The following CEP350 variants were observed in gnomAD, a reference collection of about 807,000 sequenced individuals.
The protein encoded by CEP350 is centrosome-associated protein 350.
In CEP350, 126 loss-of-function variants were observed where a neutral mutation model predicts 331.8. The observed-to-expected ratio is 0.38, with a 90% CI of 0.33 to 0.44. The LOEUF is 0.44. Ranked by LOEUF, CEP350 falls within the 20% of genes least tolerant of loss-of-function variation. The probability of loss-of-function intolerance (pLI) is 1.00; values close to 1 mark genes in which losing one functional copy is unlikely to be tolerated. For missense variants in CEP350, 3,406 were observed against 3,634.6 expected, an observed-to-expected ratio of 0.94 and a Z score of 1.62; for synonymous variants, 1,200 against 1,259.5, an observed-to-expected ratio of 0.95 and a Z score of 1.00.
chr1:180,049,161 A>G (rs1288415223), intron 22 of CEP350, among the ~76,000 whole-genome samples: 2 of 152,332 alleles, frequency 1.3e-5, no homozygotes, highest in South Asian at 2.1e-4. Context: ...GTATTTGGAT[A>G]TTTAGCTGAG....
intron 27 of CEP350, among the ~76,000 whole-genome samples, chr1:180,068,034 A>G (rs574779828): frequency 1.3e-5 from 2 of 152,362 alleles, no homozygotes; most frequent in South Asian, 4.1e-4. Context: ...AGATTTGCAA[A>G]GGCAGTCATT....
rs766320999 is a variant in CEP350 at position 179,992,241 on chromosome 1, A to G, written c.395+20A>G. ...TTATAGGTTAGTATTGAGAAAAAAA[A>G]AAGGTATCAAATAGGTTTAGCCTGT... On this transcript the variant is annotated intron_variant, in intron 5 of 37. Transcript: ENST00000367607. The G allele has an allele frequency of 1.4e-6, 2 of 1,450,540 alleles. No homozygotes were observed. Among genetic ancestry groups the G allele is most frequent in the Non-Finnish European group, 1.8e-6 (2 of 1,108,960 alleles). 89.9% of individuals were successfully genotyped at this position (1,450,540 alleles called of 1,614,324 possible).
intron 7 of CEP350, 66 bp downstream of exon 7, chr1:180,003,353 A>G (rs1027636625): frequency 1.7e-5 from 18 of 1,033,682 alleles, no homozygotes; most frequent in Admixed American, 2.7e-5. Context: ...TATAATATTT[A>G]CACATAAAAT....
chr1:179,971,744 C>A (rs1651471363), intron 1 of CEP350, among the ~76,000 whole-genome samples: 1 of 152,152 alleles, frequency 6.6e-6, no homozygotes, highest in Non-Finnish European at 1.5e-5. Flanking sequence ...CATCTGGATT[C>A]TCATATCTGC....
chr1:180,079,242 C>A (rs1659417869), intron 29 of CEP350, among the ~76,000 whole-genome samples: 1 of 148,168 alleles, frequency 6.7e-6, no homozygotes, highest in Admixed American at 6.7e-5. Context: ...TTTAATATAG[C>A]AAATAATTAG....
intron 27 of CEP350, among the ~76,000 whole-genome samples, chr1:180,068,142 CT>C (rs1271102523): frequency 6.6e-6 from 1 of 152,144 alleles, no homozygotes; most frequent in Non-Finnish European, 1.5e-5. Context: ...ACTTTCTGAA[CT>C]CTGATTATAT....
chr1:180,039,381 G>T (rs915813828), intron 17 of CEP350, among the ~76,000 whole-genome samples: 2 of 151,938 alleles, frequency 1.3e-5, no homozygotes, highest in African/African-American at 2.4e-5. Context: ...ATTCTCTTAC[G>T]TTTTTTTCCA....
Position 179,978,454 on chromosome 1 carries a change from A to T in CEP350, c.-13-7715A>T, listed in dbSNP as rs1652033884. Reference sequence around the variant, plus strand: ...CAATATGTTCTCGTTAACTGTGGCCATTCTACAGTGCTATAGAACACTAGA... The same window carrying T: ...CAATATGTTCTCGTTAACTGTGGCCTTTCTACAGTGCTATAGAACACTAGA... On this transcript the variant is annotated intron_variant, in intron 1 of 37. Transcript: ENST00000367607. 2.6e-5 allele frequency among the ~76,000 whole-genome samples: 4 copies of T among 152,240 alleles called. No individual in the cohort carries two copies. In the South Asian group the frequency reaches 8.3e-4, roughly 32 times the overall value.
chr1:180,060,951 T>G (rs1279671323), intron 25 of CEP350, among the ~76,000 whole-genome samples: 2 of 151,938 alleles, frequency 1.3e-5, no homozygotes, highest in East Asian at 3.8e-4. Context: ...CTCTGAGGAG[T>G]TGGGGCACAA....
At chr1:179,987,456 AATAT>A (rs1277819682) in intron 3 of CEP350, among the ~76,000 whole-genome samples, 170 bp downstream of exon 3, 4 of 147,876 alleles carry the variant, frequency 2.7e-5, no homozygotes, top group South Asian at 2.1e-4. Flanking sequence ...CACTATATAT[AATAT>A]ATATACTATA....
intron 1 of CEP350, among the ~76,000 whole-genome samples, chr1:179,957,151 C>A (rs1345756605): frequency 2.0e-5 from 3 of 152,038 alleles, no homozygotes; most frequent in Non-Finnish European, 4.4e-5. Flanking sequence ...ACTTTGGATA[C>A]TCAGTTCTGT....
rs1417363278 is a variant in CEP350 at position 179,996,452 on chromosome 1, AT to A, written c.396-94del. Reference sequence around the variant, plus strand: ...ATTTAACATGTATTACCTCATTCTTATTTTTTTGTGGTGAGAACACTTAAAA... The same window carrying A: ...ATTTAACATGTATTACCTCATTCTTATTTTTTGTGGTGAGAACACTTAAAA... On this transcript the variant is annotated intron_variant, in intron 5 of 37. Transcript: ENST00000367607. 2.3e-5 allele frequency: 19 copies of A among 820,478 alleles called. No homozygotes were observed. In the East Asian group the frequency reaches 3.7e-4, roughly 16 times the overall value. The allele number at this position is 820,478 out of a possible 1,614,324, so 50.8% of individuals were successfully genotyped here.
chr1:180,111,259 G>A lies in CEP350; in HGVS notation c.*98G>A, dbSNP rs1661457154. The A allele has an allele frequency of 5.0e-6, 7 of 1,413,050 alleles. No individual in the cohort carries two copies. The South Asian group carries it at 6.8e-5, about 14-fold the overall frequency. The allele number at this position is 1,413,050 out of a possible 1,614,324, so 87.5% of individuals were successfully genotyped here. A position where few individuals can be genotyped will look rare whatever the true frequency, so the allele number is the denominator to read the frequency against. Reference sequence around the variant, plus strand: ...TCGCCATCATAGCAAGAGTGCTTCTGGACCTTGTACTTATTCTTAAAGACT... The same window carrying A: ...TCGCCATCATAGCAAGAGTGCTTCTAGACCTTGTACTTATTCTTAAAGACT... On this transcript the variant is annotated 3_prime_UTR_variant, in exon 38 of 38. Transcript: ENST00000367607.
In CEP350 at chr1:180,043,069, C is replaced by T; in HGVS notation, c.4376C>T (p.Thr1459Ile). The T allele has an allele frequency of 6.2e-7, 1 of 1,613,130 alleles. No homozygotes were observed. Among genetic ancestry groups the T allele is most frequent in the Non-Finnish European group, 8.5e-7 (1 of 1,179,484 alleles). The change falls in exon 20 of 38, where the codon ACT (threonine) becomes ATT (isoleucine). Residue 1459 changes from threonine to isoleucine, a missense_variant. By Grantham distance (89) the Thr-to-Ile change is moderately conservative. Coordinates refer to ENST00000367607, the MANE Select transcript of CEP350 (RefSeq NM_014810.5). ...ARQICEMAEL[T>I]RTHISDAVVA... ...GTTCATGTTTAGATGGCAGAGTTGA[C>T]TAGAACTCATATCTCAGATGCTGTC... is the stretch of plus-strand genomic sequence containing the variant.
rs1207777958 is a variant in CEP350 at position 180,011,998 on chromosome 1, C to A, written c.1316C>A (p.Pro439His). The change falls in exon 9 of 38, where the codon CCT becomes CAT. Residue 439 changes from proline to histidine, a missense_variant. Pro to His is a moderately conservative substitution (Grantham distance 77). Transcript: ENST00000367607. Reference protein sequence around the residue: ...GQKLVKKILGPAPRMEPKEQR... With the variant: ...GQKLVKKILGHAPRMEPKEQR... ...AAATTAGTAAAGAAGATTCTGGGAC[C>A]TGCTCCCAGAATGGAGCCAAAAGAG... 7 of 1,590,442 alleles carry A rather than the reference C, an allele frequency of 4.4e-6. No individual in the cohort carries two copies. In the African/African-American group the frequency reaches 8.1e-5, roughly 18 times the overall value.
chr1:180,082,081 C>T (rs1659605839), intron 30 of CEP350, among the ~76,000 whole-genome samples: 1 of 152,182 alleles, frequency 6.6e-6, no homozygotes, highest in East Asian at 1.9e-4. Flanking sequence ...TGACTTTCTT[C>T]AAGTTTCTTT....
intron 1 of CEP350, among the ~76,000 whole-genome samples, chr1:179,961,629 C>A (rs2148537492): frequency 6.6e-6 from 1 of 152,230 alleles, no homozygotes; most frequent in Middle Eastern, 3.4e-3. Flanking sequence ...TGACTCCTAA[C>A]GTCCAGCTTT....
intron 1 of CEP350, 141 bp downstream of exon 1, chr1:179,955,283 C>T (rs1292221647): frequency 1.1e-6 from 1 of 881,414 alleles, no homozygotes; most frequent in Non-Finnish European, 1.4e-6. Context: ...GCGTCCCCCT[C>T]GGGGAACCTC....
intron 36 of CEP350, among the ~76,000 whole-genome samples, chr1:180,097,852 C>A (rs1367364568): frequency 6.6e-6 from 1 of 152,172 alleles, no homozygotes; most frequent in Admixed American, 6.5e-5. Flanking sequence ...TTTTGCTTTT[C>A]TCACATTACA....
Sources: gnomAD v4.1 joint callset for allele counts (sites outside exome capture counted in the v4.1 genomes callset) on GRCh38, gnomAD v4.1.1 for gene constraint, MANE v1.5 for transcripts, NCBI Gene and HGNC (gene_info 2026-07-23, HGNC 2026-07-21) for gene names.